The following CHD9 variants were observed in gnomAD, a reference collection of about 807,000 sequenced individuals.
CHD9 encodes the protein ATP-dependent chromatin remodeler CHD9.
A neutral mutation model predicts 316.1 loss-of-function variants in CHD9; 77 were observed. That is an observed-to-expected ratio of 0.24 (90% CI 0.20 to 0.29). CHD9 has a LOEUF of 0.29. Among genes scored for constraint, CHD9 ranks in the 10% least tolerant of loss-of-function variants. The probability of loss-of-function intolerance (pLI) is 1.00; values close to 1 mark genes in which losing one functional copy is unlikely to be tolerated. For synonymous variants in CHD9, 1,129 were observed against 1,158.3 expected, an observed-to-expected ratio of 0.97 and a Z score of 0.51; for missense variants, 2,763 against 3,438.1, an observed-to-expected ratio of 0.80 and a Z score of 4.91.
chr16:53,307,808 G>A lies in CHD9; in HGVS notation c.6908G>A (p.Ser2303Asn), dbSNP rs755723208. ...TTCTATACCACAAAACTGCTGGACAGCCCTGGAGCAGCTACAGAATACAGC... is the reference window on the plus strand; with the variant it reads ...TTCTATACCACAAAACTGCTGGACAACCCTGGAGCAGCTACAGAATACAGC... The part of the protein sequence containing the change: ...ASFYTTKLLD[S>N]PGAATEYSDP... The change falls in exon 33 of 39, where the codon AGC becomes AAC. Residue 2303 changes from serine (S) to asparagine (N), a missense_variant. Around this residue, in one of 15 missense-constraint regions of CHD9, gnomAD observed 663 missense variants for 751.2 expected, o/e 0.88. Transcript: ENST00000447540. 28 of 1,613,524 alleles carry A rather than the reference G, an allele frequency of 1.7e-5. 1 individual carries two copies. The highest frequency in any genetic ancestry group is 2.4e-5 in the Non-Finnish European group (28 of 1,179,766).
rs1236039643 is a variant in CHD9, at chr16:53,254,612, A to G, written c.4029+7A>G. The G allele has an allele frequency of 3.2e-6, 5 of 1,571,926 alleles. No homozygotes were observed. Among genetic ancestry groups the G allele is most frequent in the Non-Finnish European group, 3.5e-6 (4 of 1,154,712 alleles). The stretch of plus-strand genomic sequence containing the variant: ...AGAAAGTAATGTTGGTGGTGTATGT[A>G]TAGTTTCTTTTTCACTTGAGATTTT... On this transcript the variant is annotated splice_region_variant and intron_variant, in intron 18 of 38. Transcript: ENST00000447540.
At chr16:53,084,474 G>T (rs532088258) in intron 1 of CHD9, among the ~76,000 whole-genome samples, 1 of 152,230 alleles carries the variant, frequency 6.6e-6, no homozygotes, top group African/African-American at 2.4e-5. Context: ...GCAGGGTGCG[G>T]TGGCTCATGC....
chr16:53,321,216 T>C, intron 37 of CHD9: 1 of 1,319,474 alleles, frequency 7.6e-7, no homozygotes, highest in Non-Finnish European at 9.9e-7. Context: ...TTCACATAGC[T>C]GGTAAGTCTA....
At chr16:53,306,040 A>G (rs1036725891) in intron 31 of CHD9, among the ~76,000 whole-genome samples, 197 bp from the exon 32 acceptor site, 1 of 152,186 alleles carries the variant, frequency 6.6e-6, no homozygotes, top group Admixed American at 6.5e-5. Flanking sequence ...GCTGTGCAAC[A>G]CAGCAAGACC....
chr16:53,161,355 T>A (rs1597219935), intron 2 of CHD9, among the ~76,000 whole-genome samples: 1 of 152,328 alleles, frequency 6.6e-6, no homozygotes, highest in East Asian at 1.9e-4. Flanking sequence ...TTTACCTATA[T>A]AATTTTTGCA....
At chr16:53,102,256 G>A (rs55698046) in intron 1 of CHD9, among the ~76,000 whole-genome samples, 42,811 of 152,034 alleles carry the variant, frequency 0.28, 7,524 homozygotes, top group Non-Finnish European at 0.39. Context: ...CATTTAGGAT[G>A]TTTGATAGGT....
chr16:53,302,738 T>G (rs1448739451), intron 30 of CHD9, among the ~76,000 whole-genome samples: 2 of 152,226 alleles, frequency 1.3e-5, no homozygotes, highest in Admixed American at 1.3e-4. Flanking sequence ...GTATTTATTC[T>G]ATAGGTTACA....
chr16:53,246,479 C>T (rs1010558317), intron 15 of CHD9, among the ~76,000 whole-genome samples: 2 of 151,564 alleles, frequency 1.3e-5, no homozygotes, highest in African/African-American at 4.8e-5. Context: ...AATTTATTCT[C>T]TTCTTTCTTT....
intron 27 of CHD9, among the ~76,000 whole-genome samples, chr16:53,290,421 T>C (rs2054233610): frequency 6.6e-6 from 1 of 152,142 alleles, no homozygotes; most frequent in Non-Finnish European, 1.5e-5. Flanking sequence ...CAAAGCTTTA[T>C]ATCATGCTGA....
At chr16:53,241,581 T>G (rs774891351) in intron 12 of CHD9, among the ~76,000 whole-genome samples, 5 of 152,196 alleles carry the variant, frequency 3.3e-5, no homozygotes, top group African/African-American at 9.6e-5. Flanking sequence ...AATCCAAAAC[T>G]ACTTCTTTTT....
At chr16:53,193,012 A>T (rs1267919146) in intron 2 of CHD9, among the ~76,000 whole-genome samples, 2 of 149,884 alleles carry the variant, frequency 1.3e-5, no homozygotes, top group Non-Finnish European at 1.5e-5. Context: ...GCTGAGGGTC[A>T]TATGTTGAGT....
chr16:53,279,468 A>G (rs1455000955), intron 24 of CHD9, among the ~76,000 whole-genome samples: 3 of 152,204 alleles, frequency 2.0e-5, no homozygotes, highest in Non-Finnish European at 4.4e-5. Context: ...TATGTAACAA[A>G]TCTGCACGTT....
chr16:53,095,585 TC>T (rs147777184), intron 1 of CHD9, among the ~76,000 whole-genome samples: 7,419 of 152,198 alleles, frequency 0.049, 607 homozygotes, highest in African/African-American at 0.17. Context: ...AAAAAGAATA[TC>T]CTGCTATATG....
chr16:53,218,867 GA>G (rs1330240205), intron 3 of CHD9, among the ~76,000 whole-genome samples: 4 of 152,254 alleles, frequency 2.6e-5, no homozygotes, highest in African/African-American at 9.6e-5. Context: ...ATTTAAGTTG[GA>G]GATTGATAGC....
At chr16:53,097,484 C>G (rs2036485029) in intron 1 of CHD9, among the ~76,000 whole-genome samples, 1 of 152,016 alleles carries the variant, frequency 6.6e-6, no homozygotes, top group African/African-American at 2.4e-5. Flanking sequence ...ACTGCAGCCT[C>G]AAACTCCTAG....
intron 37 of CHD9, among the ~76,000 whole-genome samples, chr16:53,319,120 C>G (rs1451465193): frequency 1.3e-5 from 2 of 152,164 alleles, no homozygotes; most frequent in African/African-American, 2.4e-5. Flanking sequence ...ACAAAATAAA[C>G]AGTAGAAACT....
chr16:53,160,914 AAAAAG>A (rs1286406914), intron 2 of CHD9, among the ~76,000 whole-genome samples: 3 of 152,122 alleles, frequency 2.0e-5, no homozygotes, highest in Admixed American at 6.6e-5. Context: ...CTCAAAACAA[AAAAAG>A]AAAAGAAAGT....
At chr16:53,239,930 C>T (rs1043254281) in intron 12 of CHD9, among the ~76,000 whole-genome samples, 5 of 152,026 alleles carry the variant, frequency 3.3e-5, no homozygotes, top group South Asian at 2.1e-4. Flanking sequence ...TGCTTAATTT[C>T]GTATAAATGT....
chr16:53,120,534 AAC>A (rs2038667453), intron 1 of CHD9, among the ~76,000 whole-genome samples: 1 of 152,062 alleles, frequency 6.6e-6, no homozygotes, highest in Non-Finnish European at 1.5e-5. Context: ...AATCGCTTGA[AAC>A]CGGGAGGCGG....
Sources: gnomAD v4.1 joint callset for allele counts (sites outside exome capture counted in the v4.1 genomes callset) on GRCh38, gnomAD v4.1.1 for gene constraint, gnomAD v4.1.1 regional missense constraint, MANE v1.5 for transcripts, NCBI Gene and HGNC (gene_info 2026-07-23, HGNC 2026-07-21) for gene names.